The following DLGAP1 variants were observed in gnomAD, a reference collection of about 807,000 sequenced individuals.
The protein encoded by DLGAP1 is disks large-associated protein 1.
In DLGAP1, 11 loss-of-function variants were observed where a neutral mutation model predicts 90.8. The observed-to-expected ratio is 0.12, with a 90% CI of 0.08 to 0.20. The LOEUF is 0.20. DLGAP1 is among the 10% of genes least tolerant of loss of function. DLGAP1 has a pLI of 1.00. For synonymous variants in DLGAP1, 558 were observed against 540.7 expected, an observed-to-expected ratio of 1.03 and a Z score of -0.44; for missense variants, 1,050 against 1,333.8, an observed-to-expected ratio of 0.79 and a Z score of 3.31.
At chr18:4,277,921 T>C (rs1406663233) in intron 1 of DLGAP1, among the ~76,000 whole-genome samples, 1 of 152,194 alleles carries the variant, frequency 6.6e-6, no homozygotes, top group African/African-American at 2.4e-5. Flanking sequence ...TTCTCCCACC[T>C]TGTTATCCTA....
intron 7 of DLGAP1, among the ~76,000 whole-genome samples, chr18:3,640,829 T>TA (rs1048892367): frequency 3.2e-4 from 48 of 152,354 alleles, no homozygotes; most frequent in African/African-American, 1.1e-3. Context: ...CTATCACCAT[T>TA]TATTGAGTGC....
intron 3 of DLGAP1, among the ~76,000 whole-genome samples, chr18:3,966,069 A>G (rs1002342271): frequency 5.3e-5 from 8 of 151,994 alleles, no homozygotes; most frequent in African/African-American, 1.9e-4. Context: ...AATAATTTTA[A>G]ATAATAAGTG....
chr18:3,703,783 C>A (rs949443718), intron 7 of DLGAP1, among the ~76,000 whole-genome samples: 1 of 152,292 alleles, frequency 6.6e-6, no homozygotes, highest in Middle Eastern at 3.4e-3. Context: ...ACTCCATTTA[C>A]GGTTGACATG....
chr18:3,534,075 G>T lies in DLGAP1; in HGVS notation c.2479+119C>A, dbSNP rs2052179926. 7 of 1,123,666 alleles carry T rather than the reference G, an allele frequency of 6.2e-6. No homozygotes were observed. In the South Asian group the frequency reaches 7.8e-5, roughly 13 times the overall value. The allele number at this position is 1,123,666 out of a possible 1,614,324, so 69.6% of individuals were successfully genotyped here. ...TAGCTCTCCTGCATGTTCTGGTTTG[G>T]GGTGTGGAACGTCAAGGTTATACAA... On this transcript the variant is annotated intron_variant, in intron 10 of 12. Coordinates refer to ENST00000315677, the MANE Select transcript of DLGAP1 (RefSeq NM_004746.4).
At position 3,546,728 on chromosome 18, in the gene DLGAP1, A is replaced by G. The variant is rs370620843; in HGVS notation, c.2058-12113T>C. The stretch of plus-strand genomic sequence containing the variant: ...GAAAAAACAATGTATCAAAATTTGT[A>G]GGATATAGTTAAAGCAGTAGACACC... On this transcript the variant is annotated intron_variant, in intron 9 of 12. Transcript: ENST00000315677. Among the ~76,000 whole-genome samples the G allele has an allele frequency of 5.9e-5, 9 of 152,238 alleles. 2 individuals carry two copies. Among genetic ancestry groups the G allele is most frequent in the East Asian group, 1.9e-4 (1 of 5,190 alleles).
intron 1 of DLGAP1, among the ~76,000 whole-genome samples, chr18:4,402,905 G>A (rs2082586154): frequency 6.6e-6 from 1 of 152,054 alleles, no homozygotes; most frequent in Non-Finnish European, 1.5e-5. Context: ...ATTTATAGAT[G>A]TCCTTATCTC....
intron 1 of DLGAP1, among the ~76,000 whole-genome samples, chr18:4,309,064 T>A (rs73378942): frequency 6.6e-6 from 1 of 152,196 alleles, no homozygotes; most frequent in African/African-American, 2.4e-5. Flanking sequence ...TTCCATACAC[T>A]GTAGGCCTCT....
chr18:4,112,983 TACC>T (rs1349119311), intron 2 of DLGAP1, among the ~76,000 whole-genome samples: 2 of 152,188 alleles, frequency 1.3e-5, no homozygotes, highest in African/African-American at 4.8e-5. Flanking sequence ...GGTATGTATG[TACC>T]ACATTTCCTT....
At chr18:3,808,879 C>G (rs188361220) in intron 5 of DLGAP1, among the ~76,000 whole-genome samples, 48 of 152,208 alleles carry the variant, frequency 3.2e-4, no homozygotes, top group African/African-American at 1.1e-3. Context: ...GGGCTCCTCA[C>G]GTAGAAATCA....
At chr18:3,901,558 T>G (rs1481127476) in intron 3 of DLGAP1, among the ~76,000 whole-genome samples, 2 of 152,142 alleles carry the variant, frequency 1.3e-5, no homozygotes, top group Non-Finnish European at 2.9e-5. Flanking sequence ...GACATGTGAT[T>G]GCTCACCTAT....
rs77531147 is a variant in DLGAP1 at position 4,454,414 on chromosome 18, C to A, written c.-267+592G>T. ...TCCTCCTTGGACCCCATTTCTCTCTCTCTCTCTCTCTCTGTGCCTGTCTTT... is the reference window on the plus strand; with the variant it reads ...TCCTCCTTGGACCCCATTTCTCTCTATCTCTCTCTCTCTGTGCCTGTCTTT... On this transcript the variant is annotated intron_variant, in intron 1 of 12. Coordinates refer to ENST00000315677, the MANE Select transcript of DLGAP1 (RefSeq NM_004746.4). This position sits in a 1 kb window ranked among gnomAD's most constrained non-coding sequence, Gnocchi z 4.7. 5.3e-5 allele frequency among the ~76,000 whole-genome samples: 3 copies of A among 56,168 alleles called. No individual in the cohort carries two copies. The highest frequency in any genetic ancestry group is 9.3e-5 in the African/African-American group (2 of 21,502). The allele number at this position is 56,168 out of a possible 152,430, so 36.8% of individuals were successfully genotyped here.
rs144095874 is a variant in DLGAP1, at chr18:4,183,152, C to T, written c.-266-31865G>A. On this transcript the variant is annotated intron_variant, in intron 1 of 12. Transcript: ENST00000315677. ...AAAATACATTAAATCAAATTCTTGG[C>T]ATTTTGAATATGCAAGAAAATTAAA... Among the ~76,000 whole-genome samples the T allele has an allele frequency of 7.7e-3, 1,167 of 152,222 alleles. 12 individuals carry two copies. The highest frequency in any genetic ancestry group is 0.011 in the Non-Finnish European group (780 of 68,002).
chr18:4,068,577 C>T (rs1166062037), intron 2 of DLGAP1, among the ~76,000 whole-genome samples: 2 of 152,012 alleles, frequency 1.3e-5, no homozygotes, highest in Admixed American at 1.3e-4. Flanking sequence ...GCATTTTTAA[C>T]GCATAAAATA....
intron 7 of DLGAP1, among the ~76,000 whole-genome samples, chr18:3,613,452 C>A (rs900833803): frequency 6.6e-6 from 1 of 152,076 alleles, no homozygotes; most frequent in Non-Finnish European, 1.5e-5. Context: ...CTTGCCTCAG[C>A]CTCCTGAGTA....
At chr18:4,333,192 G>T (rs967266894) in intron 1 of DLGAP1, among the ~76,000 whole-genome samples, 4 of 151,992 alleles carry the variant, frequency 2.6e-5, no homozygotes, top group Non-Finnish European at 5.9e-5. Flanking sequence ...GATCTCGCTA[G>T]GTCAGCTTAT....
intron 2 of DLGAP1, among the ~76,000 whole-genome samples, chr18:4,135,863 C>A (rs528652183): frequency 1.2e-4 from 14 of 117,384 alleles, no homozygotes; most frequent in African/African-American, 4.1e-4. Context: ...TATTATTATT[C>A]TTCTTATTAT....
chr18:3,879,551 G>A lies in DLGAP1; in HGVS notation c.518C>T (p.Ala173Val), dbSNP rs761130306. 3.5e-5 allele frequency: 56 copies of A among 1,598,592 alleles called. No individual in the cohort carries two copies. The Admixed American group carries it at 7.9e-4, about 22-fold the overall frequency. The change falls in exon 4 of 13, where the codon GCG becomes GTG. Residue 173 changes from alanine (A) to valine (V), a missense_variant. Ala to Val is a moderately conservative substitution (Grantham distance 64, BLOSUM62 0). This residue lies in a region of DLGAP1 where 485 missense variants were observed against 454.1 expected (regional missense o/e 1.07). Transcript: ENST00000315677. The surrounding 1 kb of genome is among the most constrained non-coding windows in gnomAD (Gnocchi z 6.6). ...VNGGKASPDE[A>V]QAARYGKRSK... ...GCGTTTGCCATAGCGCGCCGCCTGC[G>A]CCTCGTCAGGGCTGGCCTTGCCCCC...
At chr18:3,911,474 A>G (rs1308123344) in intron 3 of DLGAP1, among the ~76,000 whole-genome samples, 2 of 152,214 alleles carry the variant, frequency 1.3e-5, no homozygotes, top group Non-Finnish European at 2.9e-5. Context: ...GGAGAAATGT[A>G]TTCCCTAGAC....
chr18:4,066,074 C>T (rs1279795609), intron 2 of DLGAP1, among the ~76,000 whole-genome samples: 1 of 151,432 alleles, frequency 6.6e-6, no homozygotes, highest in East Asian at 1.9e-4. Flanking sequence ...GGAAAGGATA[C>T]TCTTAAATGG....
Sources: allele counts gnomAD v4.1 joint callset (sites outside exome capture counted in the v4.1 genomes callset), GRCh38; gene constraint gnomAD v4.1.1; regional missense constraint gnomAD v4.1.1; non-coding constraint Gnocchi (gnomAD v3.1); transcripts MANE v1.5; gene names NCBI Gene and HGNC (gene_info 2026-07-23, HGNC 2026-07-21).